NCOA6: variants seen among roughly 807,000 people sequenced by gnomAD.
The protein encoded by NCOA6 is NRC RAP250.
In NCOA6, 49 loss-of-function variants were observed where a neutral mutation model predicts 171.4. That is an observed-to-expected ratio of 0.29 (90% CI 0.23 to 0.36). The LOEUF is 0.36. Ranked by LOEUF, NCOA6 falls within the 10% of genes least tolerant of loss-of-function variation. The probability of loss-of-function intolerance (pLI) is 1.00; values close to 1 mark genes in which losing one functional copy is unlikely to be tolerated. For missense variants in NCOA6, 2,248 were observed against 2,554.5 expected (o/e 0.88, Z 2.59); for synonymous variants, 910 against 927.5 (o/e 0.98, Z 0.34).
chr20:34,722,008 T>C (rs1261656591), intron 14 of NCOA6, among the ~76,000 whole-genome samples: 1 of 133,378 alleles, frequency 7.5e-6, no homozygotes, highest in African/African-American at 2.9e-5. Context: ...TGAGTGATGA[T>C]AGTGCCATTG....
At chr20:34,805,297 C>T (rs1323487282) in intron 1 of NCOA6, among the ~76,000 whole-genome samples, 1 of 152,186 alleles carries the variant, frequency 6.6e-6, no homozygotes, top group Non-Finnish European at 1.5e-5. Context: ...CCCACCTGGG[C>T]CTCTCAAAGT....
intron 12 of NCOA6, 147 bp from the exon 13 acceptor site, chr20:34,732,742 G>T: frequency 1.7e-6 from 1 of 594,952 alleles, no homozygotes; most frequent in South Asian, 2.3e-5. Flanking sequence ...TGGAGACAAA[G>T]CTGGCACAGA....
At chr20:34,803,982 A>AAAC (rs2078351123) in intron 1 of NCOA6, among the ~76,000 whole-genome samples, 1 of 149,816 alleles carries the variant, frequency 6.7e-6, no homozygotes, top group South Asian at 2.1e-4. Flanking sequence ...ACACCGTTTA[A>AAAC]AAAAAAAAAC....
In NCOA6 at chr20:34,736,427, G is replaced by A. The variant is rs189183863; in HGVS notation, c.5962+263C>T. ...AACAGAAACCCATGGCTGGGTGGCA[G>A]ACAGACAATGGGCACGGAATTGCCC... On this transcript the variant is annotated intron_variant, in intron 12 of 14. Coordinates refer to ENST00000359003, the MANE Select transcript of NCOA6 (RefSeq NM_014071.5). Among the ~76,000 whole-genome samples the A allele has an allele frequency of 2.0e-5, 3 of 152,338 alleles. No homozygotes were observed. In the East Asian group the frequency reaches 5.8e-4, roughly 29 times the overall value.
intron 3 of NCOA6, among the ~76,000 whole-genome samples, chr20:34,777,135 A>AAAAGG (rs2077352321): frequency 6.6e-6 from 1 of 151,620 alleles, no homozygotes; most frequent in Non-Finnish European, 1.5e-5. Flanking sequence ...AAAAAAAAAA[A>AAAAGG]AAAGGTAAAG....
intron 1 of NCOA6, among the ~76,000 whole-genome samples, chr20:34,813,586 A>AG (rs2078743396): frequency 6.6e-6 from 1 of 152,168 alleles, no homozygotes; most frequent in African/African-American, 2.4e-5. Context: ...TTTATGTAGA[A>AG]GAATATCCTT....
intron 13 of NCOA6, among the ~76,000 whole-genome samples, chr20:34,731,158 T>C (rs1013046597): frequency 6.6e-6 from 1 of 152,212 alleles, no homozygotes; most frequent in Admixed American, 6.5e-5. Flanking sequence ...TAGCTGGGAT[T>C]ATAGGCATGC....
At chr20:34,793,029 C>T (rs2077944727) in intron 1 of NCOA6, among the ~76,000 whole-genome samples, 1 of 151,946 alleles carries the variant, frequency 6.6e-6, no homozygotes, top group African/African-American at 2.4e-5. Context: ...GCGATCCACC[C>T]GCCTGAGCCT....
chr20:34,732,705 C>T, intron 12 of NCOA6, 110 bp from the exon 13 acceptor site: 2 of 865,048 alleles, frequency 2.3e-6, no homozygotes. Flanking sequence ...GTCCCTGTGC[C>T]CAGCAGGATT....
At chr20:34,752,191 C>T (rs1678704882) in intron 8 of NCOA6, among the ~76,000 whole-genome samples, 2 of 152,024 alleles carry the variant, frequency 1.3e-5, no homozygotes, top group African/African-American at 4.8e-5. Flanking sequence ...CTAGAAAATC[C>T]CCTACAATGA....
At chr20:34,767,621 T>C (rs2077019292) in intron 5 of NCOA6, among the ~76,000 whole-genome samples, 1 of 152,144 alleles carries the variant, frequency 6.6e-6, no homozygotes, top group South Asian at 2.1e-4. Flanking sequence ...TAAATTGAGC[T>C]CCTCTATACT....
chr20:34,736,108 G>C (rs1350970658), intron 12 of NCOA6, among the ~76,000 whole-genome samples: 1 of 152,168 alleles, frequency 6.6e-6, no homozygotes, highest in African/African-American at 2.4e-5. Context: ...TCCCACAGCA[G>C]TTATTTGTCA....
intron 3 of NCOA6, 52 bp downstream of exon 3, chr20:34,782,069 G>A (rs952265458): frequency 1.1e-5 from 14 of 1,277,510 alleles, no homozygotes; most frequent in African/African-American, 1.5e-5. Flanking sequence ...CCATGGAAGG[G>A]CAAACATTTC....
chr20:34,731,007 G>A (rs139208074), intron 13 of NCOA6, among the ~76,000 whole-genome samples: 32 of 149,396 alleles, frequency 2.1e-4, no homozygotes, highest in African/African-American at 7.9e-4. Flanking sequence ...GAGCCCGGCC[G>A]TTCTAGACTC....
Position 34,740,711 on chromosome 20 carries a change from C to G in NCOA6, c.5545G>C (p.Asp1849His). The G allele has an allele frequency of 6.2e-7, 1 of 1,614,256 alleles. No individual in the cohort carries two copies. Among genetic ancestry groups the G allele is most frequent in the Non-Finnish European group, 8.5e-7 (1 of 1,180,048 alleles). The change falls in exon 11 of 15, where the codon GAT (aspartate) becomes CAT (histidine). Residue 1849 changes from aspartate (D) to histidine (H), a missense_variant. Physicochemically the swap from Asp to His is moderately conservative, Grantham distance 81. Coordinates refer to ENST00000359003, the MANE Select transcript of NCOA6 (RefSeq NM_014071.5). ...LEKGEEQYGA[D>H]GETEGQGLDT... ...AGCCCTTGGCCTTCAGTCTCTCCAT[C>G]TGCACCATATTGTTCTTCCCCTTTC...
chr20:34,768,359 G>A, intron 5 of NCOA6, 105 bp downstream of exon 5: 3 of 1,416,980 alleles, frequency 2.1e-6, no homozygotes, highest in Non-Finnish European at 2.9e-6. Flanking sequence ...AAATAGAGAT[G>A]TTAAGTATGC....
intron 1 of NCOA6, among the ~76,000 whole-genome samples, chr20:34,798,740 G>A (rs981196159): frequency 6.6e-6 from 1 of 152,224 alleles, no homozygotes; most frequent in South Asian, 2.1e-4. Context: ...GTACCTCTAT[G>A]AGTCTGCAAG....
intron 11 of NCOA6, 97 bp downstream of exon 11, chr20:34,740,266 C>G: frequency 6.9e-7 from 1 of 1,451,168 alleles, no homozygotes; most frequent in Non-Finnish European, 9.3e-7. Flanking sequence ...TTAGCCCATT[C>G]TCTTTCCTCC....
At chr20:34,795,465 C>T (rs757100189) in intron 1 of NCOA6, among the ~76,000 whole-genome samples, 4 of 152,146 alleles carry the variant, frequency 2.6e-5, no homozygotes, top group South Asian at 2.1e-4. Flanking sequence ...AAGTCTTCAA[C>T]GTAATTTCTC....
Sources: gnomAD v4.1 joint callset for allele counts (sites outside exome capture counted in the v4.1 genomes callset) on GRCh38, gnomAD v4.1.1 for gene constraint, MANE v1.5 for transcripts, NCBI Gene and HGNC (gene_info 2026-07-23, HGNC 2026-07-21) for gene names.